The following CCNY variants were observed in gnomAD, a reference collection of about 807,000 sequenced individuals.
The protein encoded by CCNY is cyclin Y.
A neutral mutation model predicts 42.8 loss-of-function variants in CCNY; 19 were observed. The ratio of observed to expected loss-of-function variants is 0.44; its 90% confidence interval spans 0.31 to 0.65. The LOEUF (loss-of-function observed/expected upper bound fraction) is 0.65, where lower values mean the gene tolerates loss of function less well. CCNY is among the 30% of genes least tolerant of loss of function. The pLI is 0.07. For synonymous variants in CCNY, 165 were observed against 162.7 expected, an observed-to-expected ratio of 1.01 and a Z score of -0.11; for missense variants, 370 against 437.3, an observed-to-expected ratio of 0.85 and a Z score of 1.37.
intron 1 of CCNY, among the ~76,000 whole-genome samples, chr10:35,437,622 C>T (rs908243923): frequency 6.6e-6 from 1 of 151,966 alleles, no homozygotes; most frequent in Non-Finnish European, 1.5e-5. Context: ...CCACTACGCT[C>T]CAGCACTCTA....
rs56166429 is a variant in CCNY at position 35,465,905 on chromosome 10, AAGAGAGAG to A, written c.155-17472_155-17465del. ...TCAGGATTATCAGCAGGGTAGGGGG[AAGAGAGAG>A]AGAGAGAGAGAGAGAGAGAGAGAGA... On this transcript the variant is annotated intron_variant, in intron 1 of 9. Transcript: ENST00000374704. Among the ~76,000 whole-genome samples, 190 of 99,226 alleles carry A rather than the reference AAGAGAGAG, an allele frequency of 1.9e-3. 2 individuals carry two copies. Among genetic ancestry groups the A allele is most frequent in the African/African-American group, 4.3e-3 (111 of 25,638 alleles). The allele number at this position is 99,226 out of a possible 152,430, so 65.1% of individuals were successfully genotyped here.
At chr10:35,262,096 T>C (rs1469654371) in intron 3 of CCNY, among the ~76,000 whole-genome samples, 2 of 151,400 alleles carry the variant, frequency 1.3e-5, no homozygotes, top group African/African-American at 4.9e-5. Flanking sequence ...ACCTCATCTC[T>C]ACTAAAAATA....
intron 1 of CCNY, among the ~76,000 whole-genome samples, chr10:35,456,752 A>G (rs1839043929): frequency 6.6e-6 from 1 of 152,210 alleles, no homozygotes; most frequent in Non-Finnish European, 1.5e-5. Flanking sequence ...GAAGTAGGAA[A>G]TACATTTTAG....
Position 35,375,963 on chromosome 10 carries a change from A to G in CCNY, c.154+38756A>G, listed in dbSNP as rs551387434. The stretch of plus-strand genomic sequence containing the variant: ...CCCCAGGCACCAGTGGAAGACACCG[A>G]AAGGAGGACTGCTCATACCTGGGGT... On this transcript the variant is annotated intron_variant, in intron 1 of 9. Transcript: ENST00000374704. Among the ~76,000 whole-genome samples, 6 of 152,252 alleles carry G rather than the reference A, an allele frequency of 3.9e-5. No homozygotes were observed. In the South Asian group the frequency reaches 1.2e-3, roughly 32 times the overall value.
intron 1 of CCNY, 144 bp from the exon 2 acceptor site, chr10:35,483,260 A>C: frequency 1.6e-6 from 1 of 626,534 alleles, no homozygotes; most frequent in Non-Finnish European, 2.8e-6. Flanking sequence ...ATTGAACCAA[A>C]AGAATCTATT....
chr10:35,449,926 C>A, intron 1 of CCNY: 1 of 346,720 alleles, frequency 2.9e-6, no homozygotes, highest in Non-Finnish European at 4.1e-6. Context: ...CAAGAGTTTA[C>A]GGTGGGACCA....
chr10:35,382,320 G>C (rs1370445372), intron 1 of CCNY, among the ~76,000 whole-genome samples: 1 of 152,202 alleles, frequency 6.6e-6, no homozygotes, highest in African/African-American at 2.4e-5. Context: ...AGTGCTGACA[G>C]ACTGTGTGTG....
At chr10:35,254,389 G>T (rs1485204777) in intron 3 of CCNY, among the ~76,000 whole-genome samples, 1 of 152,114 alleles carries the variant, frequency 6.6e-6, no homozygotes, top group East Asian at 1.9e-4. Flanking sequence ...ATGCTGTAAT[G>T]AGATATTCTT....
At chr10:35,345,044 A>G (rs1371813249) in intron 1 of CCNY, among the ~76,000 whole-genome samples, 1 of 152,200 alleles carries the variant, frequency 6.6e-6, no homozygotes, top group South Asian at 2.1e-4. Context: ...ATGCATGTGC[A>G]TGTGTCTTTA....
rs949487880 is a variant in CCNY at position 35,570,244 on chromosome 10, G to A, written c.*1074G>A. The A allele has an allele frequency of 6.6e-6, 1 of 152,354 alleles. No homozygotes were observed. Among genetic ancestry groups the A allele is most frequent in the South Asian group, 2.1e-4 (1 of 4,818 alleles). 9.4% of individuals were successfully genotyped at this position (152,354 alleles called of 1,614,324 possible). A position where few individuals can be genotyped will look rare whatever the true frequency, so the allele number is the denominator to read the frequency against. ...CTAAAAGAAAAAGAAAAAAAACAAGGGTGGGTTGGGTATTCCAGTGGGAAG... is the reference window on the plus strand; with the variant it reads ...CTAAAAGAAAAAGAAAAAAAACAAGAGTGGGTTGGGTATTCCAGTGGGAAG... On this transcript the variant is annotated 3_prime_UTR_variant, in exon 10 of 10. Coordinates refer to ENST00000374704, the MANE Select transcript of CCNY (RefSeq NM_145012.6).
intron 1 of CCNY, among the ~76,000 whole-genome samples, chr10:35,470,377 C>G (rs1358600740): frequency 1.3e-5 from 2 of 152,116 alleles, no homozygotes; most frequent in Non-Finnish European, 2.9e-5. Context: ...TGACTGAGGG[C>G]TGGATGTGTG....
At chr10:35,561,272 T>G (rs971819282) in intron 8 of CCNY, among the ~76,000 whole-genome samples, 1 of 152,148 alleles carries the variant, frequency 6.6e-6, no homozygotes, top group East Asian at 1.9e-4. Flanking sequence ...TGGGAGGCGT[T>G]TGGGCAGGAG....
chr10:35,385,290 C>T (rs1237193996), intron 1 of CCNY, among the ~76,000 whole-genome samples: 1 of 152,016 alleles, frequency 6.6e-6, no homozygotes, highest in Non-Finnish European at 1.5e-5. Flanking sequence ...GGTGATTAAC[C>T]CAGAGCAGGG....
chr10:35,375,646 A>G (rs1035082567), intron 1 of CCNY, among the ~76,000 whole-genome samples: 1 of 152,238 alleles, frequency 6.6e-6, no homozygotes, highest in Non-Finnish European at 1.5e-5. Flanking sequence ...TGCTTTCAGT[A>G]TAGGGAAGTC....
At chr10:35,502,926 C>T (rs1357227391) in intron 3 of CCNY, among the ~76,000 whole-genome samples, 2 of 152,198 alleles carry the variant, frequency 1.3e-5, no homozygotes, top group Admixed American at 1.3e-4. Flanking sequence ...AGAGCTGGAA[C>T]TGCATCCAGG....
At position 35,320,610 on chromosome 10, in the gene CCNY, C is replaced by T. The variant is rs558089824; in HGVS notation, c.-9+69984C>T. 3.3e-5 allele frequency among the ~76,000 whole-genome samples: 5 copies of T among 152,204 alleles called. No homozygotes were observed. In the South Asian group the frequency reaches 8.3e-4, roughly 25 times the overall value. On this transcript the variant is annotated intron_variant, in intron 3 of 11. Transcript: ENST00000374706. ...TTCTATTAAACATTACACTGGAAGT[C>T]CTAGCCAGTACAATAGGCAAGAAAA...
At chr10:35,468,976 G>A (rs916425006) in intron 1 of CCNY, among the ~76,000 whole-genome samples, 5 of 152,240 alleles carry the variant, frequency 3.3e-5, no homozygotes, top group Non-Finnish European at 7.3e-5. Flanking sequence ...CTAGCTATAT[G>A]TAAAAGTGTC....
intron 1 of CCNY, among the ~76,000 whole-genome samples, chr10:35,399,010 C>T (rs1193863978): frequency 6.6e-6 from 1 of 152,182 alleles, no homozygotes; most frequent in Non-Finnish European, 1.5e-5. Context: ...TCCCTTATAG[C>T]GTAGGCTTGT....
At chr10:35,295,009 T>A (rs1835454483) in intron 3 of CCNY, among the ~76,000 whole-genome samples, 1 of 151,876 alleles carries the variant, frequency 6.6e-6, no homozygotes, top group South Asian at 2.1e-4. Context: ...CTAAGCTATT[T>A]AACTTTTAGC....
Sources: gnomAD v4.1 joint callset for allele counts (sites outside exome capture counted in the v4.1 genomes callset) on GRCh38, gnomAD v4.1.1 for gene constraint, MANE v1.5 for transcripts, NCBI Gene and HGNC (gene_info 2026-07-23, HGNC 2026-07-21) for gene names.